The following NAT2 variants were observed in gnomAD, a reference collection of about 807,000 sequenced individuals.
NAT2 encodes N-acetyltransferase 2.
For synonymous variants in NAT2, 137 were observed against 125.9 expected, an observed-to-expected ratio of 1.09 and a Z score of -0.59; for missense variants, 428 against 339.1, an observed-to-expected ratio of 1.26 and a Z score of -2.06.
At chr8:18,391,214 A>G (rs1388761490), upstream of NAT2, 1 of 151,930 alleles carries the variant, frequency 6.6e-6, no homozygotes, top group Non-Finnish European at 1.5e-5. Context: ...TCCTAACTAG[A>G]CTCTGGTGTC....
intron 1 of NAT2, among the ~76,000 whole-genome samples, chr8:18,395,407 T>C (rs1207558675): frequency 6.6e-6 from 1 of 152,016 alleles, no homozygotes; most frequent in Non-Finnish European, 1.5e-5. Flanking sequence ...TAATAACATA[T>C]ATAAAGACAT....
chr8:18,389,052 T>A (rs1800553597), upstream of NAT2, among the ~76,000 whole-genome samples: 1 of 152,206 alleles, frequency 6.6e-6, no homozygotes, highest in Non-Finnish European at 1.5e-5. Flanking sequence ...TCTCCCTTAG[T>A]CACAAGTCTC....
chr8:18,393,929 A>G (rs1326367773), intron 1 of NAT2, among the ~76,000 whole-genome samples: 1 of 152,234 alleles, frequency 6.6e-6, no homozygotes, highest in African/African-American at 2.4e-5. Flanking sequence ...CTTCAATTTT[A>G]TGAAAGACAT....
chr8:18,396,104 C>T (rs1336957470), intron 1 of NAT2, among the ~76,000 whole-genome samples: 1 of 151,940 alleles, frequency 6.6e-6, no homozygotes, highest in Non-Finnish European at 1.5e-5. Context: ...TAAAATCTTA[C>T]AAACAAATCT....
Position 18,400,141 on chromosome 8 carries a change from A to T in NAT2, c.138A>T (p.Gln46His), listed in dbSNP as rs779874333. 37 of 1,614,082 alleles carry T rather than the reference A, an allele frequency of 2.3e-5. No homozygotes were observed. The highest frequency in any genetic ancestry group is 3.1e-5 in the Non-Finnish European group (37 of 1,179,970). Reference protein sequence around the residue: ...PFENLNMHCGQAMELGLEAIF... With the variant: ...PFENLNMHCGHAMELGLEAIF... The stretch of plus-strand genomic sequence containing the variant: ...AGAACCTTAACATGCATTGTGGGCA[A>T]GCCATGGAGTTGGGCTTAGAGGCTA... Residue 46 changes from glutamine to histidine, a missense_variant, in exon 2 of 2, where the codon CAA becomes CAT. Gln to His is a conservative substitution (Grantham distance 24). Transcript: ENST00000286479.
Position 18,400,234 on chromosome 8 carries a change from G to T in NAT2, c.231G>T (p.Trp77Cys). The change falls in exon 2 of 2, where the codon TGG becomes TGT. Residue 77 changes from tryptophan to cysteine, a missense_variant. Trp to Cys is a radical substitution (Grantham distance 215). Coordinates refer to ENST00000286479, the MANE Select transcript of NAT2 (RefSeq NM_000015.3). ...WCLQVNQLLY[W>C]ALTTIGFQTT... ...TCCAGGTCAATCAACTTCTGTACTGGGCTCTGACCACAATCGGTTTTCAGA... is the reference window on the plus strand; with the variant it reads ...TCCAGGTCAATCAACTTCTGTACTGTGCTCTGACCACAATCGGTTTTCAGA... The T allele has an allele frequency of 1.2e-6, 2 of 1,612,034 alleles. No homozygotes were observed. The highest frequency in any genetic ancestry group is 1.7e-6 in the Non-Finnish European group (2 of 1,178,910).
upstream of NAT2, among the ~76,000 whole-genome samples, chr8:18,390,184 A>C (rs1009286466): frequency 8.1e-6 from 1 of 123,794 alleles, no homozygotes; most frequent in African/African-American, 2.7e-5. Flanking sequence ...AGGCCAAAAG[A>C]AAGCCTTCCC....
chr8:18,394,640 C>T (rs188615922), intron 1 of NAT2, among the ~76,000 whole-genome samples: 5 of 68,970 alleles, frequency 7.2e-5, no homozygotes, highest in Admixed American at 5.7e-4. Context: ...ATGTGACCTT[C>T]TTTTACCCAT....
upstream of NAT2, among the ~76,000 whole-genome samples, chr8:18,386,790 A>C (rs1299212296): frequency 7.2e-5 from 11 of 152,046 alleles, no homozygotes; most frequent in Admixed American, 2.6e-4. Flanking sequence ...CTCACAGAGA[A>C]GACTGGAGGG....
intron 1 of NAT2, among the ~76,000 whole-genome samples, chr8:18,398,615 T>G (rs527570977): frequency 1.3e-5 from 2 of 152,298 alleles, no homozygotes; most frequent in East Asian, 3.9e-4. Flanking sequence ...GACGAAACCA[T>G]GAAACTTCCT....
chr8:18,398,407 T>A (rs1437254855), intron 1 of NAT2, among the ~76,000 whole-genome samples: 4 of 152,172 alleles, frequency 2.6e-5, no homozygotes, highest in South Asian at 2.1e-4. Context: ...TTTTAGACTT[T>A]GTGGCTGGTT....
chr8:18,388,831 T>C (rs1166448587), upstream of NAT2, among the ~76,000 whole-genome samples: 1 of 152,234 alleles, frequency 6.6e-6, no homozygotes, highest in Non-Finnish European at 1.5e-5. Context: ...CTTACTTGTA[T>C]GGTGAGGAAG....
chr8:18,395,499 C>T (rs1452108746), intron 1 of NAT2, among the ~76,000 whole-genome samples: 3 of 152,008 alleles, frequency 2.0e-5, no homozygotes, highest in African/African-American at 7.2e-5. Flanking sequence ...TAAAGTTGAA[C>T]ACCATTTCAT....
chr8:18,393,090 G>A (rs1800617792), intron 1 of NAT2, among the ~76,000 whole-genome samples: 1 of 151,804 alleles, frequency 6.6e-6, no homozygotes, highest in Non-Finnish European at 1.5e-5. Flanking sequence ...TTGTTGGCCA[G>A]TGGAAACCAT....
At chr8:18,399,849 T>G in intron 1 of NAT2, 149 bp from the exon 2 acceptor site, 1 of 900,716 alleles carries the variant, frequency 1.1e-6, no homozygotes, top group Non-Finnish European at 1.6e-6. Flanking sequence ...ATTCATGCAG[T>G]AGAAATACTA....
chr8:18,390,545 T>C (rs981158800), upstream of NAT2, among the ~76,000 whole-genome samples: 26 of 152,226 alleles, frequency 1.7e-4, no homozygotes, highest in African/African-American at 6.0e-4. Context: ...ACCAAATAAA[T>C]ATATACAATT....
chr8:18,393,629 C>T (rs1358464499), intron 1 of NAT2, among the ~76,000 whole-genome samples: 1 of 152,142 alleles, frequency 6.6e-6, no homozygotes, highest in Non-Finnish European at 1.5e-5. Flanking sequence ...GAGAAGGCCT[C>T]ACATCAGCAG....
rs368439692 is a variant in NAT2, at chr8:18,400,276, G to A, written c.273G>A (p.Gly91=). ...TIGFQTTMLG[G]YFYIPPVNKY... ...GTTTTCAGACCACAATGTTAGGAGG[G>A]TATTTTTACATCCCTCCAGTTAACA... The change falls in exon 2 of 2, where the codon GGG becomes GGA. Residue 91 remains glycine, a synonymous_variant. Coordinates refer to ENST00000286479, the MANE Select transcript of NAT2 (RefSeq NM_000015.3). 5.0e-6 allele frequency: 8 copies of A among 1,613,566 alleles called. No homozygotes were observed. Among genetic ancestry groups the A allele is most frequent in the Non-Finnish European group, 6.8e-6 (8 of 1,179,734 alleles).
At chr8:18,399,612 A>G (rs895382074) in intron 1 of NAT2, among the ~76,000 whole-genome samples, 8 of 152,204 alleles carry the variant, frequency 5.3e-5, no homozygotes, top group Non-Finnish European at 1.2e-4. Context: ...ACTCTACTGT[A>G]TAATTCTCCT....
Sources: allele counts gnomAD v4.1 joint callset (sites outside exome capture counted in the v4.1 genomes callset), GRCh38; gene constraint gnomAD v4.1.1; transcripts MANE v1.5; gene names NCBI Gene and HGNC (gene_info 2026-07-23, HGNC 2026-07-21).